HNRNPD: variants seen among roughly 807,000 people sequenced by gnomAD.
HNRNPD encodes heterogeneous nuclear ribonucleoprotein D, also known as heterogeneous nuclear ribonucleoprotein D0.
A neutral mutation model predicts 47.9 loss-of-function variants in HNRNPD; 3 were observed. That is an observed-to-expected ratio of 0.06 (90% CI 0.03 to 0.16). The LOEUF (loss-of-function observed/expected upper bound fraction) is 0.16. Among genes scored for constraint, HNRNPD ranks in the 10% least tolerant of loss-of-function variants. HNRNPD has a pLI of 1.00. For missense variants in HNRNPD, 287 were observed against 454.2 expected (o/e 0.63, Z 3.35); for synonymous variants, 171 against 165.1 (o/e 1.04, Z -0.28).
chr4:82,369,623 C>T (rs1347266305), intron 2 of HNRNPD, among the ~76,000 whole-genome samples: 1 of 150,986 alleles, frequency 6.6e-6, no homozygotes, highest in East Asian at 1.9e-4. Context: ...AAACTGTTGC[C>T]CTTATAATAT....
rs1723762527 is a variant in HNRNPD, at chr4:82,357,442, C to T, written c.624G>A (p.Val208=). The change falls in exon 5 of 9, where the codon GTG becomes GTA. Residue 208 remains valine (V), a splice_region_variant and synonymous_variant. Transcript: ENST00000313899. ...TGTCCATGGGGAGCTCTATGGATTC[C>T]ACCTGGTATTAAAAAACAAATTTTA... ...IREYFGGFGE[V]ESIELPMDNK... 1.3e-6 allele frequency: 2 copies of T among 1,594,640 alleles called. No individual in the cohort carries two copies. The highest frequency in any genetic ancestry group is 4.5e-5 in the East Asian group (2 of 44,570).
chr4:82,357,257 G>A, intron 5 of HNRNPD, 56 bp downstream of exon 5: 2 of 1,523,796 alleles, frequency 1.3e-6, no homozygotes, highest in Non-Finnish European at 1.8e-6. Flanking sequence ...AAGATAAATG[G>A]TTAAGCTCTT....
At chr4:82,360,319 A>T (rs1207792625) in intron 2 of HNRNPD, among the ~76,000 whole-genome samples, 1 of 152,176 alleles carries the variant, frequency 6.6e-6, no homozygotes, top group Non-Finnish European at 1.5e-5. Flanking sequence ...AAATGCAGAA[A>T]GTGATGGGTG....
chr4:82,372,090 T>C (rs1720073295), intron 1 of HNRNPD, among the ~76,000 whole-genome samples: 1 of 152,006 alleles, frequency 6.6e-6, no homozygotes, highest in African/African-American at 2.4e-5. Context: ...TTTCTAATAC[T>C]AGATTAAAGC....
chr4:82,362,399 A>C (rs1384949652), intron 2 of HNRNPD, among the ~76,000 whole-genome samples: 1 of 152,120 alleles, frequency 6.6e-6, no homozygotes, highest in South Asian at 2.1e-4. Flanking sequence ...AAACGTATTA[A>C]TATTTTGGCA....
intron 2 of HNRNPD, among the ~76,000 whole-genome samples, chr4:82,366,065 A>G (rs1719740156): frequency 6.6e-6 from 1 of 152,218 alleles, no homozygotes; most frequent in African/African-American, 2.4e-5. Flanking sequence ...TCTACAGATG[A>G]CATTTTCAAG....
chr4:82,371,007 T>TACACACACACA (rs1560440286), intron 2 of HNRNPD, among the ~76,000 whole-genome samples: 1 of 89,654 alleles, frequency 1.1e-5, no homozygotes. Flanking sequence ...CACACACACT[T>TACACACACACA]CTTATTAAAG....
chr4:82,358,084 T>C (rs969516029), intron 4 of HNRNPD: 1 of 152,306 alleles, frequency 6.6e-6, no homozygotes, highest in Non-Finnish European at 1.5e-5. Flanking sequence ...GAAACCTCTA[T>C]TATCTACCTA....
chr4:82,363,064 A>ATATG (rs537254505), intron 2 of HNRNPD, among the ~76,000 whole-genome samples: 371 of 148,360 alleles, frequency 2.5e-3, no homozygotes, highest in African/African-American at 7.5e-3. Context: ...ATATATATAT[A>ATATG]TACATTTACA....
chr4:82,366,071 TC>T (rs1277315563), intron 2 of HNRNPD, among the ~76,000 whole-genome samples: 6 of 152,274 alleles, frequency 3.9e-5, no homozygotes, highest in Admixed American at 3.9e-4. Context: ...GATGACATTT[TC>T]AAGGTAAGTG....
In HNRNPD at chr4:82,363,048, G is replaced by GTGTA. The variant is rs1198240906; in HGVS notation, c.291-3410_291-3409insTACA. Among the ~76,000 whole-genome samples the GTGTA allele has an allele frequency of 2.0e-3, 288 of 145,532 alleles. 1 individual carries two copies. The highest frequency in any genetic ancestry group is 7.0e-3 in the African/African-American group (266 of 37,950). On this transcript the variant is annotated intron_variant, in intron 2 of 8. Coordinates refer to ENST00000313899, the MANE Select transcript of HNRNPD (RefSeq NM_031370.3). ...TATATATATATGTGTGTGTGTGTGT[G>GTGTA]TATATATATATATATATACATTTAC...
chr4:82,355,021 TATA>T (rs750218644), intron 8 of HNRNPD: 2 of 397,028 alleles, frequency 5.0e-6, no homozygotes, highest in Non-Finnish European at 9.1e-6. Context: ...ACAAACAAGG[TATA>T]ATGTCAGAGT....
intron 4 of HNRNPD, 102 bp from the exon 5 acceptor site, chr4:82,357,546 T>C (rs980367319): frequency 1.0e-6 from 1 of 994,982 alleles, no homozygotes; most frequent in African/African-American, 1.6e-5. Flanking sequence ...AAACATGTAT[T>C]TGGCACTGAA....
chr4:82,356,939 A>G (rs543920583), intron 5 of HNRNPD, 44 bp from the exon 6 acceptor site: 6 of 1,504,352 alleles, frequency 4.0e-6, no homozygotes, highest in East Asian at 4.5e-5. Context: ...CAAGAAAATA[A>G]AAGTTGCTAA....
chr4:82,372,875 C>G (rs1720132149), intron 1 of HNRNPD, among the ~76,000 whole-genome samples: 1 of 152,150 alleles, frequency 6.6e-6, no homozygotes, highest in Admixed American at 6.5e-5. Context: ...AATCCTTAGG[C>G]GAAACTTATT....
intron 2 of HNRNPD, among the ~76,000 whole-genome samples, chr4:82,368,664 A>G (rs1344364252): frequency 6.6e-6 from 1 of 152,212 alleles, no homozygotes; most frequent in Admixed American, 6.5e-5. Context: ...ACTGAGACCA[A>G]TCTACGCAGG....
At chr4:82,369,837 G>A (rs1719949780) in intron 2 of HNRNPD, among the ~76,000 whole-genome samples, 2 of 152,182 alleles carry the variant, frequency 1.3e-5, no homozygotes, top group South Asian at 4.1e-4. Flanking sequence ...ATTTTTAAGT[G>A]TAATTTTAAA....
chr4:82,357,261 A>G, intron 5 of HNRNPD, 52 bp downstream of exon 5: 1 of 1,537,542 alleles, frequency 6.5e-7, no homozygotes, highest in Non-Finnish European at 8.8e-7. Flanking sequence ...TAAATGGTTA[A>G]GCTCTTTACA....
rs76559816 is a variant in HNRNPD, at chr4:82,373,210, T to A, written c.233+236A>T. On this transcript the variant is annotated intron_variant, in intron 1 of 8. Transcript: ENST00000313899. ...AAGGAGGGCGGGCCGAGGAGCAGCA[T>A]GGTGACGGCTAAAGGTGGAAACGTG... is the stretch of plus-strand genomic sequence containing the variant. 1.1e-3 allele frequency: 738 copies of A among 701,898 alleles called. 4 individuals are homozygous for A. The African/African-American group carries it at 0.012, about 11-fold the overall frequency. The allele number at this position is 701,898 out of a possible 1,614,324, so 43.5% of individuals were successfully genotyped here. A position where few individuals can be genotyped will look rare whatever the true frequency, so the allele number is the denominator to read the frequency against.
Sources: allele counts gnomAD v4.1 joint callset (sites outside exome capture counted in the v4.1 genomes callset), GRCh38; gene constraint gnomAD v4.1.1; transcripts MANE v1.5; gene names NCBI Gene and HGNC (gene_info 2026-07-23, HGNC 2026-07-21).